The following GOPC variants were observed in gnomAD, a reference collection of about 807,000 sequenced individuals.
GOPC encodes golgi associated PDZ and coiled-coil motif containing.
GOPC carries 32 observed loss-of-function variants against 51.2 expected under a neutral mutation model. The ratio of observed to expected loss-of-function variants is 0.63; its 90% CI spans 0.47 to 0.84. The LOEUF (loss-of-function observed/expected upper bound fraction) is 0.84, where lower values mean the gene tolerates loss of function less well. GOPC is among the 40% of genes least tolerant of loss of function. GOPC has a pLI of 0.00. For missense variants in GOPC, 441 were observed against 555.5 expected, an observed-to-expected ratio of 0.79 and a Z score of 2.07; for synonymous variants, 190 against 205.1, an observed-to-expected ratio of 0.93 and a Z score of 0.63.
rs541171374 is a variant in GOPC, at chr6:117,600,225, T to C, written c.285+1779A>G. Among the ~76,000 whole-genome samples, 4 of 152,322 alleles carry C rather than the reference T, an allele frequency of 2.6e-5. No homozygotes were observed. In the East Asian group the frequency reaches 5.8e-4, roughly 22 times the overall value. ...TGTCACATGGCAAGGAGGCTGAGCATGCTAACATGCTTACTCAGGTCTTTC... is the reference window on the plus strand; with the variant it reads ...TGTCACATGGCAAGGAGGCTGAGCACGCTAACATGCTTACTCAGGTCTTTC... On this transcript the variant is annotated intron_variant, in intron 1 of 8. Coordinates refer to ENST00000368498, the MANE Select transcript of GOPC (RefSeq NM_020399.4).
chr6:117,578,872 A>G, intron 2 of GOPC, 28 bp downstream of exon 2: 1 of 1,503,072 alleles, frequency 6.7e-7, no homozygotes, highest in Non-Finnish European at 9.0e-7. Context: ...AATACATGCA[A>G]GGGCATGTCA....
intron 1 of GOPC, among the ~76,000 whole-genome samples, chr6:117,585,309 A>C (rs1780014202): frequency 6.6e-6 from 1 of 152,184 alleles, no homozygotes; most frequent in Admixed American, 6.5e-5. Flanking sequence ...TATTTTTTTA[A>C]CTGTCTTATG....
chr6:117,585,586 T>C (rs1007185965), intron 1 of GOPC, among the ~76,000 whole-genome samples: 19 of 152,204 alleles, frequency 1.2e-4, no homozygotes, highest in African/African-American at 4.3e-4. Flanking sequence ...ACAAATTGCA[T>C]GGTATTAAAA....
At chr6:117,569,380 A>C (rs1190461888) in intron 7 of GOPC, among the ~76,000 whole-genome samples, 192 bp downstream of exon 7, 2 of 152,244 alleles carry the variant, frequency 1.3e-5, no homozygotes, top group African/African-American at 4.8e-5. Context: ...AAAGTTATGA[A>C]GTAAACAAAA....
Position 117,561,066 on chromosome 6 carries a change from C to T in GOPC, c.*2188G>A, listed in dbSNP as rs566740117. 1 of 223,328 alleles carries T rather than the reference C, an allele frequency of 4.5e-6. No individual in the cohort carries two copies. The highest frequency in any genetic ancestry group is 1.8e-4 in the South Asian group (1 of 5,454). The allele number at this position is 223,328 out of a possible 1,614,324, so 13.8% of individuals were successfully genotyped here. On this transcript the variant is annotated 3_prime_UTR_variant, in exon 9 of 9. Transcript: ENST00000368498. ...ACACCGGACAGGAAGCTCACAGTAGCATCTGAGCAACGGTGCTCTCCCGTA... is the reference window on the plus strand; with the variant it reads ...ACACCGGACAGGAAGCTCACAGTAGTATCTGAGCAACGGTGCTCTCCCGTA...
intron 1 of GOPC, among the ~76,000 whole-genome samples, chr6:117,591,413 C>A (rs1177077631): frequency 6.6e-6 from 1 of 152,224 alleles, no homozygotes; most frequent in Admixed American, 6.5e-5. Context: ...AAACAGCTTA[C>A]ATTCTAGAGG....
chr6:117,598,534 A>G (rs780276701), intron 1 of GOPC, among the ~76,000 whole-genome samples: 3 of 152,190 alleles, frequency 2.0e-5, no homozygotes, highest in Non-Finnish European at 4.4e-5. Context: ...ATTTTTCCAC[A>G]GGACAGCGTG....
chr6:117,563,355 G>A lies in GOPC; in HGVS notation c.1288C>T (p.His430Tyr). 1 of 1,613,480 alleles carries A rather than the reference G, an allele frequency of 6.2e-7. No homozygotes were observed. The highest frequency in any genetic ancestry group is 2.2e-5 in the East Asian group (1 of 44,878). The part of the protein sequence containing the change: ...GFNKKAVTDT[H>Y]ENGDLGTASE... ...GCAGTGCCCAGGTCTCCATTTTCAT[G>A]TGTGTCAGTTACTGCCTTCTTATTA... is the stretch of plus-strand genomic sequence containing the variant. Residue 430 changes from histidine to tyrosine, a missense_variant, in exon 9 of 9, where the codon CAT (histidine) becomes TAT (tyrosine). Physicochemically the swap from His to Tyr is moderately conservative, Grantham distance 83. Coordinates refer to ENST00000368498, the MANE Select transcript of GOPC (RefSeq NM_020399.4).
At chr6:117,568,522 G>A (rs1779743803) in intron 7 of GOPC, among the ~76,000 whole-genome samples, 1 of 152,212 alleles carries the variant, frequency 6.6e-6, no homozygotes, top group South Asian at 2.1e-4. Flanking sequence ...GCTACTGGAT[G>A]ACAGTCAAGA....
rs939043261 is a variant in GOPC at position 117,570,851 on chromosome 6, A to C, written c.912+9T>G. The C allele has an allele frequency of 1.4e-6, 2 of 1,385,252 alleles. No homozygotes were observed. The highest frequency in any genetic ancestry group is 2.0e-6 in the Non-Finnish European group (2 of 990,174). The allele number at this position is 1,385,252 out of a possible 1,614,324, so 85.8% of individuals were successfully genotyped here. Reference sequence around the variant, plus strand: ...TGTAGAAAATGATACTGGAAGTACTACTTCTTACTGTAATTGAAATGCCAA... The same window carrying C: ...TGTAGAAAATGATACTGGAAGTACTCCTTCTTACTGTAATTGAAATGCCAA... On this transcript the variant is annotated intron_variant, in intron 6 of 8. Transcript: ENST00000368498.
intron 4 of GOPC, 78 bp downstream of exon 4, chr6:117,575,099 A>C: frequency 8.5e-7 from 1 of 1,170,106 alleles, no homozygotes; most frequent in South Asian, 1.6e-5. Context: ...AAAATAAAAA[A>C]AGAAAGAAGT....
intron 3 of GOPC, among the ~76,000 whole-genome samples, chr6:117,576,283 G>A (rs1305456760): frequency 6.6e-6 from 1 of 151,828 alleles, no homozygotes; most frequent in African/African-American, 2.4e-5. Context: ...AAGATTAGCA[G>A]ACTCAATTTC....
At chr6:117,593,045 A>G (rs1202219243) in intron 1 of GOPC, among the ~76,000 whole-genome samples, 2 of 152,210 alleles carry the variant, frequency 1.3e-5, no homozygotes, top group African/African-American at 4.8e-5. Flanking sequence ...ATGCATTGCT[A>G]GAGAAAATCA....
At chr6:117,598,085 A>G (rs914405811) in intron 1 of GOPC, among the ~76,000 whole-genome samples, 1 of 151,802 alleles carries the variant, frequency 6.6e-6, no homozygotes, top group African/African-American at 2.4e-5. Context: ...TTTACCAGGC[A>G]TGGTGGCCCA....
intron 1 of GOPC, among the ~76,000 whole-genome samples, chr6:117,582,309 C>A: frequency 6.8e-6 from 1 of 146,058 alleles, no homozygotes; most frequent in East Asian, 2.0e-4. Context: ...CACACACACA[C>A]ATTGATAGAG....
At chr6:117,565,299 T>C (rs1337712633) in intron 8 of GOPC, among the ~76,000 whole-genome samples, 2 of 152,196 alleles carry the variant, frequency 1.3e-5, no homozygotes, top group African/African-American at 4.8e-5. Flanking sequence ...ATGAAGAAAG[T>C]TCAGCCTCAC....
At chr6:117,563,940 G>A (rs1176181408) in intron 8 of GOPC, among the ~76,000 whole-genome samples, 1 of 148,148 alleles carries the variant, frequency 6.8e-6, no homozygotes, top group African/African-American at 2.5e-5. Flanking sequence ...TGTAAAAATT[G>A]TATTAAGTTT....
rs1341049176 is a variant in GOPC, at chr6:117,591,623, G to A, written c.285+10381C>T. Reference sequence around the variant, plus strand: ...TACTGTAGACAAAGGGTATAGAGAAGGCATTATACACCAAAGCCTATGTGA... The same window carrying A: ...TACTGTAGACAAAGGGTATAGAGAAAGCATTATACACCAAAGCCTATGTGA... On this transcript the variant is annotated intron_variant, in intron 1 of 8. Transcript: ENST00000368498. 4.6e-5 allele frequency among the ~76,000 whole-genome samples: 7 copies of A among 152,238 alleles called. No individual in the cohort carries two copies. In the East Asian group the frequency reaches 1.2e-3, roughly 25 times the overall value.
intron 1 of GOPC, among the ~76,000 whole-genome samples, chr6:117,585,471 C>T (rs973022807): frequency 1.3e-5 from 2 of 152,104 alleles, no homozygotes; most frequent in African/African-American, 2.4e-5. Flanking sequence ...TGCCATAGAG[C>T]TCTTTTGATA....
Sources: allele counts gnomAD v4.1 joint callset (sites outside exome capture counted in the v4.1 genomes callset), GRCh38; gene constraint gnomAD v4.1.1; transcripts MANE v1.5; gene names NCBI Gene and HGNC (gene_info 2026-07-23, HGNC 2026-07-21).